ZFAT: variants seen among roughly 807,000 people sequenced by gnomAD.
ZFAT encodes zinc finger and AT-hook domain containing.
A neutral mutation model predicts 117.7 loss-of-function variants in ZFAT; 64 were observed. The observed-to-expected ratio is 0.54, with a 90% confidence interval of 0.44 to 0.67. The LOEUF (loss-of-function observed/expected upper bound fraction) is 0.67. ZFAT is among the 30% of genes least tolerant of loss of function. ZFAT has a pLI of 0.00. For synonymous variants in ZFAT, 679 were observed against 615.0 expected (o/e 1.10, Z -1.54); for missense variants, 1,433 against 1,584.5 (o/e 0.90, Z 1.62).
At chr8:134,794,624 A>G in the ZFAT span, 1 of 152,236 alleles carries the variant, frequency 6.6e-6, no homozygotes. Context: ...ATCATTTTTT[A>G]ATACATAATG....
intron 11 of ZFAT, among the ~76,000 whole-genome samples, chr8:134,544,997 C>A (rs1003764529): frequency 6.6e-6 from 1 of 152,134 alleles, no homozygotes; most frequent in African/African-American, 2.4e-5. Context: ...GGGACACACA[C>A]GTCATGAGTC....
At chr8:134,488,197 C>T (rs1051169656) in intron 15 of ZFAT, among the ~76,000 whole-genome samples, 2 of 152,194 alleles carry the variant, frequency 1.3e-5, no homozygotes, top group Admixed American at 6.5e-5. Flanking sequence ...TACAGGTAAA[C>T]GGCACCCCCA....
At chr8:134,670,462 T>G (rs1461688314) in intron 1 of ZFAT, among the ~76,000 whole-genome samples, 1 of 152,184 alleles carries the variant, frequency 6.6e-6, no homozygotes, top group Non-Finnish European at 1.5e-5. Flanking sequence ...TCAAAATCGC[T>G]CAACTACATG....
chr8:134,769,122 G>A, the ZFAT span, among the ~76,000 whole-genome samples: 3 of 152,024 alleles, frequency 2.0e-5, no homozygotes, highest in African/African-American at 4.8e-5. Flanking sequence ...GCAGTGAGCT[G>A]AAATCATGCC....
upstream of ZFAT, among the ~76,000 whole-genome samples, chr8:134,717,607 C>T (rs1467178525): frequency 6.0e-5 from 9 of 149,036 alleles, no homozygotes; most frequent in Non-Finnish European, 8.9e-5. Context: ...CTCAGCCTTC[C>T]GAGTAGCTGG....
intron 2 of ZFAT, among the ~76,000 whole-genome samples, chr8:134,640,720 C>A (rs1481007263): frequency 2.6e-5 from 4 of 152,200 alleles, no homozygotes; most frequent in Non-Finnish European, 4.4e-5. Context: ...CAAAACTAAT[C>A]TTCCAGCTTG....
In ZFAT at chr8:134,637,658, G is replaced by C. The variant is rs781511645; in HGVS notation, c.251C>G (p.Ser84Cys). 4 of 1,614,166 alleles carry C rather than the reference G, an allele frequency of 2.5e-6. No individual in the cohort carries two copies. In the Admixed American group the frequency reaches 5.0e-5, roughly 20 times the overall value. ...TTCTGCCAGCTCCTCTTCTGTGCTG[G>C]ACTTCTTCGTGGACCCCTTAGGCCT... ...RGRPKGSTKK[S>C]STEEELAENI... The change falls in exon 3 of 16, where the codon TCC (serine) becomes TGC (cysteine). Residue 84 changes from serine to cysteine, a missense_variant. By Grantham distance (112) the Ser-to-Cys change is moderately radical (BLOSUM62 -1). Around this residue, in one of 5 missense-constraint regions of ZFAT, gnomAD observed 436 missense variants for 482.0 expected, o/e 0.90. Transcript: ENST00000377838.
At chr8:134,485,879 C>T (rs146159193) in intron 15 of ZFAT, among the ~76,000 whole-genome samples, 46 of 152,318 alleles carry the variant, frequency 3.0e-4, no homozygotes, top group African/African-American at 1.0e-3. Flanking sequence ...TGCTGGAATA[C>T]GATAAACACC....
chr8:134,669,835 A>G (rs1444371407), intron 1 of ZFAT, among the ~76,000 whole-genome samples: 1 of 152,248 alleles, frequency 6.6e-6, no homozygotes, highest in Non-Finnish European at 1.5e-5. Flanking sequence ...AAGACCCATC[A>G]GTGTGCTGTA....
At chr8:134,573,180 G>A (rs1825053808) in intron 10 of ZFAT, among the ~76,000 whole-genome samples, 2 of 152,154 alleles carry the variant, frequency 1.3e-5, no homozygotes, top group South Asian at 4.2e-4. Context: ...AGTTACACAG[G>A]TGTGCCTCCT....
chr8:134,749,454 A>C, the ZFAT span, among the ~76,000 whole-genome samples: 3 of 152,188 alleles, frequency 2.0e-5, no homozygotes, highest in Non-Finnish European at 4.4e-5. Flanking sequence ...ATGTATTCAC[A>C]TGGTAGAAGG....
At chr8:134,760,823 T>G in the ZFAT span, among the ~76,000 whole-genome samples, 25 of 152,204 alleles carry the variant, frequency 1.6e-4, no homozygotes, top group African/African-American at 5.5e-4. Flanking sequence ...ACGAGAATTT[T>G]AAATAAACAT....
the ZFAT span, among the ~76,000 whole-genome samples, chr8:134,775,327 C>T: frequency 1.3e-5 from 2 of 152,260 alleles, no homozygotes; most frequent in Admixed American, 1.3e-4. Context: ...TAATTTGAAG[C>T]ATAAGGATTT....
intron 14 of ZFAT, among the ~76,000 whole-genome samples, chr8:134,511,357 T>C (rs1278452200): frequency 2.0e-5 from 3 of 152,162 alleles, no homozygotes; most frequent in Admixed American, 6.5e-5. Context: ...ACTCAAGTTC[T>C]GACAGAACCT....
intron 5 of ZFAT, among the ~76,000 whole-genome samples, chr8:134,604,945 T>TTAAA (rs1455427629): frequency 6.6e-6 from 1 of 152,226 alleles, no homozygotes; most frequent in East Asian, 1.9e-4. Context: ...ATAACATTAA[T>TTAAA]TAAATAAATA....
chr8:134,488,232 C>T (rs1224778288), intron 15 of ZFAT, among the ~76,000 whole-genome samples: 1 of 152,194 alleles, frequency 6.6e-6, no homozygotes, highest in Non-Finnish European at 1.5e-5. Context: ...CGGCCCTTTG[C>T]TAATGAAGTT....
chr8:134,735,896 TA>T, the ZFAT span, among the ~76,000 whole-genome samples: 2 of 151,728 alleles, frequency 1.3e-5, no homozygotes, highest in East Asian at 1.9e-4. Flanking sequence ...TTTTAGAATT[TA>T]AAAAAAAGGT....
the ZFAT span, among the ~76,000 whole-genome samples, chr8:134,786,351 T>C: frequency 2.0e-5 from 3 of 152,236 alleles, no homozygotes; most frequent in Non-Finnish European, 4.4e-5. Flanking sequence ...TCTCTAAAGT[T>C]GTACCATTAA....
At chr8:134,529,674 G>A (rs952991094) in intron 12 of ZFAT, among the ~76,000 whole-genome samples, 15 of 152,322 alleles carry the variant, frequency 9.8e-5, no homozygotes, top group Admixed American at 5.2e-4. Context: ...TGAAAGGTAC[G>A]TGGGAACCAA....
Sources: gnomAD v4.1 joint callset for allele counts (sites outside exome capture counted in the v4.1 genomes callset) on GRCh38, gnomAD v4.1.1 for gene constraint, gnomAD v4.1.1 regional missense constraint, MANE v1.5 for transcripts, NCBI Gene and HGNC (gene_info 2026-07-23, HGNC 2026-07-21) for gene names.